The following CWC15 variants were observed in gnomAD, a reference collection of about 807,000 sequenced individuals.
CWC15 encodes spliceosome-associated protein CWC15 homolog.
In CWC15, 12 loss-of-function variants were observed where a neutral mutation model predicts 28.4. The observed-to-expected ratio is 0.42, with a 90% CI of 0.27 to 0.69. The LOEUF (loss-of-function observed/expected upper bound fraction) is 0.69. Ranked by LOEUF, CWC15 falls within the 30% of genes least tolerant of loss-of-function variation. CWC15 has a pLI of 0.23. For missense variants in CWC15, 192 were observed against 271.5 expected, an observed-to-expected ratio of 0.71 and a Z score of 2.06; for synonymous variants, 92 against 88.4, an observed-to-expected ratio of 1.04 and a Z score of -0.23.
At chr11:94,968,305 A>G (rs1296733510) in intron 5 of CWC15, among the ~76,000 whole-genome samples, 1 of 152,218 alleles carries the variant, frequency 6.6e-6, no homozygotes, top group Admixed American at 6.5e-5. Flanking sequence ...CAAGGGCTAA[A>G]TGGTTTGAAA....
intron 5 of CWC15, among the ~76,000 whole-genome samples, chr11:94,967,961 C>T (rs1857668507): frequency 6.6e-6 from 1 of 152,124 alleles, no homozygotes; most frequent in African/African-American, 2.4e-5. Context: ...AGGTTATGGA[C>T]ATTTTATGTT....
intron 5 of CWC15, among the ~76,000 whole-genome samples, chr11:94,967,305 C>T (rs2134100279): frequency 6.6e-6 from 1 of 152,292 alleles, no homozygotes; most frequent in Middle Eastern, 3.4e-3. Flanking sequence ...AGATTACAGG[C>T]GTGAGCCACC....
chr11:94,966,153 T>C (rs1453445674), intron 6 of CWC15, 142 bp downstream of exon 6: 3 of 564,482 alleles, frequency 5.3e-6, no homozygotes, highest in Non-Finnish European at 9.2e-6. Flanking sequence ...CGGTGGACTT[T>C]TAGAAGCTTT....
chr11:94,970,242 A>G, intron 4 of CWC15, 146 bp from the exon 5 acceptor site: 3 of 412,428 alleles, frequency 7.3e-6, no homozygotes, highest in Non-Finnish European at 8.6e-6. Context: ...AAGATACTCA[A>G]AAGTGCAAAA....
At chr11:94,967,758 T>A (rs1182361272) in intron 5 of CWC15, among the ~76,000 whole-genome samples, 2 of 152,122 alleles carry the variant, frequency 1.3e-5, no homozygotes, top group African/African-American at 4.8e-5. Context: ...AATAGGAAAA[T>A]TCCTTTATGT....
intron 3 of CWC15, 107 bp from the exon 4 acceptor site, chr11:94,971,172 C>T (rs587732934): frequency 5.0e-4 from 547 of 1,099,054 alleles, no homozygotes; most frequent in Non-Finnish European, 6.7e-4. Context: ...GCATTATCCA[C>T]AGTGAACTCA....
rs1404334443 is a variant in CWC15 at position 94,966,209 on chromosome 11, G to A, written c.560+86C>T. 20 of 807,604 alleles carry A rather than the reference G, an allele frequency of 2.5e-5. No individual in the cohort carries two copies. The East Asian group carries it at 5.2e-4, about 21-fold the overall frequency. 50.0% of individuals were successfully genotyped at this position (807,604 alleles called of 1,614,324 possible). A position where few individuals can be genotyped will look rare whatever the true frequency, so the allele number is the denominator to read the frequency against. On this transcript the variant is annotated intron_variant, in intron 6 of 6. Transcript: ENST00000279839. ...CAACTTATAATCTGCATGCCTGTGT[G>A]TATACACATACACATATACACACAC...
chr11:94,963,058 A>G lies in CWC15; in HGVS notation c.*327T>C, dbSNP rs1342715791. The G allele has an allele frequency of 5.7e-6, 1 of 174,274 alleles. No individual in the cohort carries two copies. Among genetic ancestry groups the G allele is most frequent in the African/African-American group, 2.4e-5 (1 of 42,372 alleles). 10.8% of individuals were successfully genotyped at this position (174,274 alleles called of 1,614,324 possible). A position where few individuals can be genotyped will look rare whatever the true frequency, so the allele number is the denominator to read the frequency against. ...CAATGGTAATTTTTCTTTTCAAAAG[A>G]TATTATGGAATGTATTACTAGCAGC... On this transcript the variant is annotated 3_prime_UTR_variant, in exon 7 of 7. Transcript: ENST00000279839.
At chr11:94,967,544 G>T (rs1857662948) in intron 5 of CWC15, among the ~76,000 whole-genome samples, 1 of 152,152 alleles carries the variant, frequency 6.6e-6, no homozygotes, top group African/African-American at 2.4e-5. Flanking sequence ...GTGTTTTGGG[G>T]ATAACAGAAA....
intron 5 of CWC15, among the ~76,000 whole-genome samples, chr11:94,967,735 T>C (rs1167671153): frequency 6.6e-6 from 1 of 152,252 alleles, no homozygotes; most frequent in Non-Finnish European, 1.5e-5. Flanking sequence ...TGAAAAGATC[T>C]AACTTGTAAG....
chr11:94,971,461 T>C lies in CWC15; in HGVS notation c.158A>G (p.Glu53Gly). The change falls in exon 3 of 7, where the codon GAG becomes GGG. Residue 53 changes from glutamate (E) to glycine (G), a missense_variant. By Grantham distance (98) the Glu-to-Gly change is moderately conservative. Transcript: ENST00000279839. Reference protein sequence around the residue: ...YRQTTQDAPEEVRNRDFRREL... With the variant: ...YRQTTQDAPEGVRNRDFRREL... Reference sequence around the variant, plus strand: ...TCTCCTGAAGTCACGGTTACGAACCTCTTCAGGGGCATCCTGAGTAGTCTG... The same window carrying C: ...TCTCCTGAAGTCACGGTTACGAACCCCTTCAGGGGCATCCTGAGTAGTCTG... 1 of 1,611,154 alleles carries C rather than the reference T, an allele frequency of 6.2e-7. No individual in the cohort carries two copies. Among genetic ancestry groups the C allele is most frequent in the South Asian group, 1.1e-5 (1 of 90,308 alleles).
intron 1 of CWC15, among the ~76,000 whole-genome samples, chr11:94,973,035 G>A (rs1433103068): frequency 2.0e-5 from 3 of 146,342 alleles, no homozygotes; most frequent in Non-Finnish European, 4.5e-5. Flanking sequence ...TGGGCGAATT[G>A]GGAGGATTTT....
chr11:94,963,628 C>T (rs1306735583), intron 6 of CWC15, 114 bp from the exon 7 acceptor site: 2 of 730,792 alleles, frequency 2.7e-6, no homozygotes, highest in Non-Finnish European at 4.0e-6. Flanking sequence ...ACATGTGTAT[C>T]ATCTGATGCA....
Position 94,971,456 on chromosome 11 carries a change from G to T in CWC15, c.163C>A (p.Arg55Ser). The part of the protein sequence containing the change: ...QTTQDAPEEV[R>S]NRDFRRELEE... ...AACTCTCTCCTGAAGTCACGGTTAC[G>T]AACCTCTTCAGGGGCATCCTGAGTA... The change falls in exon 3 of 7, where the codon CGT becomes AGT. Residue 55 changes from arginine (R) to serine (S), a missense_variant. Around this residue, in one of 2 missense-constraint regions of CWC15, gnomAD observed 188 missense variants for 250.3 expected, o/e 0.75. Transcript: ENST00000279839. 6.2e-7 allele frequency: 1 copy of T among 1,611,360 alleles called. No homozygotes were observed. The highest frequency in any genetic ancestry group is 8.5e-7 in the Non-Finnish European group (1 of 1,178,652).
chr11:94,969,883 G>A (rs1021940207), intron 5 of CWC15, 106 bp downstream of exon 5: 55 of 562,410 alleles, frequency 9.8e-5, no homozygotes, highest in African/African-American at 1.6e-4. Flanking sequence ...ATTTAGACAC[G>A]GTAAAGGAGA....
At chr11:94,964,774 TATA>T (rs1857615234) in intron 6 of CWC15, among the ~76,000 whole-genome samples, 1 of 152,226 alleles carries the variant, frequency 6.6e-6, no homozygotes, top group African/African-American at 2.4e-5. Flanking sequence ...CAGGCACTTG[TATA>T]ATGTTTAGAG....
In CWC15 at chr11:94,963,349, C is replaced by A; in HGVS notation, c.*36G>T. The A allele has an allele frequency of 6.8e-7, 1 of 1,477,632 alleles. No homozygotes were observed. Among genetic ancestry groups the A allele is most frequent in the Non-Finnish European group, 9.1e-7 (1 of 1,104,632 alleles). The allele number at this position is 1,477,632 out of a possible 1,614,324, so 91.5% of individuals were successfully genotyped here. ...TAAAAAAAGTCAGAATGATCCTTTA[C>A]GTTTTACAGTCTTTAATTAAGCACA... On this transcript the variant is annotated 3_prime_UTR_variant, in exon 7 of 7. Coordinates refer to ENST00000279839, the MANE Select transcript of CWC15 (RefSeq NM_016403.4).
rs782776378 is a variant in CWC15 at position 94,967,269 on chromosome 11, G to A, written c.442-856C>T. Among the ~76,000 whole-genome samples the A allele has an allele frequency of 3.9e-5, 6 of 152,126 alleles. No individual in the cohort carries two copies. In the South Asian group the frequency reaches 6.2e-4, roughly 16 times the overall value. On this transcript the variant is annotated intron_variant, in intron 5 of 6. Transcript: ENST00000279839. ...TCTCGAACTCCTGACCTCGTGATCC[G>A]TTCACCTCGGCCTCCCAAAGTGCTG...
At chr11:94,965,987 G>GT (rs1420920351) in intron 6 of CWC15, among the ~76,000 whole-genome samples, 3 of 152,110 alleles carry the variant, frequency 2.0e-5, no homozygotes, top group Non-Finnish European at 4.4e-5. Flanking sequence ...CACCTAAAAT[G>GT]TAAGGGCCTC....
Sources: gnomAD v4.1 joint callset for allele counts (sites outside exome capture counted in the v4.1 genomes callset) on GRCh38, gnomAD v4.1.1 for gene constraint, gnomAD v4.1.1 regional missense constraint, MANE v1.5 for transcripts, NCBI Gene and HGNC (gene_info 2026-07-23, HGNC 2026-07-21) for gene names.